The following KCNC1 variants were observed in gnomAD, a reference collection of about 807,000 sequenced individuals.
KCNC1 encodes the protein voltage-gated potassium channel KCNC1.
In KCNC1, 8 loss-of-function variants were observed where a neutral mutation model predicts 43.4. That is an observed-to-expected ratio of 0.18 (90% confidence interval 0.11 to 0.33). The LOEUF is 0.33. Among genes scored for constraint, KCNC1 ranks in the 10% least tolerant of loss-of-function variants. The pLI is 1.00. For missense variants in KCNC1, 420 were observed against 836.0 expected (o/e 0.50, Z 6.14); for synonymous variants, 361 against 360.5 (o/e 1.00, Z -0.01).
chr11:17,740,307 CAAT>C (rs1848823513), intron 1 of KCNC1, among the ~76,000 whole-genome samples: 1 of 152,100 alleles, frequency 6.6e-6, no homozygotes, highest in South Asian at 2.1e-4. Context: ...ACACACAAGA[CAAT>C]GATGATGGTG....
intron 1 of KCNC1, among the ~76,000 whole-genome samples, chr11:17,738,189 C>A (rs2133776160): frequency 6.6e-6 from 1 of 152,274 alleles, no homozygotes; most frequent in African/African-American, 2.4e-5. Context: ...ACCCTATCCT[C>A]CCCTGGGCTG....
chr11:17,781,305 G>A lies in KCNC1; in HGVS notation c.1694-365G>A, dbSNP rs906300097. The A allele has an allele frequency of 2.2e-5, 5 of 226,272 alleles. No individual in the cohort carries two copies. The highest frequency in any genetic ancestry group is 1.1e-4 in the African/African-American group (5 of 43,676). 14.0% of individuals were successfully genotyped at this position (226,272 alleles called of 1,614,324 possible). On this transcript the variant is annotated intron_variant, in intron 3 of 3. Transcript: ENST00000265969. This position sits in a 1 kb window ranked among gnomAD's most constrained non-coding sequence, Gnocchi z 5.1. ...GTCCCACCGAGGCTTAGGTGCCAGA[G>A]TCTTTGGGAGGCGCTAAGGGTGAAG...
rs978042541 is a variant in KCNC1 at position 17,736,728 on chromosome 11, G to A, written c.570+156G>A. ...TGCACGTACCAGGGTAAGAGAGGAA[G>A]GGTGTCCGCCGGGGTTCTGGTTTTC... On this transcript the variant is annotated intron_variant, in intron 1 of 3. Transcript: ENST00000265969. The surrounding 1 kb of genome is among the most constrained non-coding windows in gnomAD (Gnocchi z 9.3). Among the ~76,000 whole-genome samples the A allele has an allele frequency of 7.2e-5, 11 of 152,232 alleles. No individual in the cohort carries two copies. The highest frequency in any genetic ancestry group is 2.4e-4 in the African/African-American group (10 of 41,472).
chr11:17,745,282 T>G (rs954713520), intron 1 of KCNC1, among the ~76,000 whole-genome samples: 1 of 152,004 alleles, frequency 6.6e-6, no homozygotes, highest in African/African-American at 2.4e-5. Context: ...GGGCCTGGGG[T>G]GAGGCCCCAT....
intron 1 of KCNC1, among the ~76,000 whole-genome samples, chr11:17,766,936 A>G (rs933652204): frequency 2.7e-5 from 4 of 146,486 alleles, no homozygotes; most frequent in African/African-American, 1.0e-4. Context: ...CCTGACCAAC[A>G]TGGCGAAACC....
At chr11:17,766,905 A>C (rs1205199843) in intron 1 of KCNC1, among the ~76,000 whole-genome samples, 1 of 149,858 alleles carries the variant, frequency 6.7e-6, no homozygotes, top group Non-Finnish European at 1.5e-5. Context: ...AGATCACCTG[A>C]GGTCAGGAGT....
intron 2 of KCNC1, chr11:17,772,807 C>G: frequency 6.9e-7 from 1 of 1,443,214 alleles, no homozygotes; most frequent in Non-Finnish European, 9.0e-7. Flanking sequence ...CTCACTGGTG[C>G]CCCTGGGTAA....
chr11:17,760,802 T>G (rs1228823833), intron 1 of KCNC1, among the ~76,000 whole-genome samples: 1 of 152,170 alleles, frequency 6.6e-6, no homozygotes, highest in Middle Eastern at 3.2e-3. Flanking sequence ...CAAGATTCTT[T>G]CCCTCTGAAT....
At position 17,781,371 on chromosome 11, in the gene KCNC1, C is replaced by T. The variant is rs966556514; in HGVS notation, c.1694-299C>T. 57 of 363,044 alleles carry T rather than the reference C, an allele frequency of 1.6e-4. 1 individual carries two copies. Among genetic ancestry groups the T allele is most frequent in the Non-Finnish European group, 4.5e-5 (9 of 200,172 alleles). The allele number at this position is 363,044 out of a possible 1,614,324, so 22.5% of individuals were successfully genotyped here. A position where few individuals can be genotyped will look rare whatever the true frequency, so the allele number is the denominator to read the frequency against. On this transcript the variant is annotated intron_variant, in intron 3 of 3. Coordinates refer to ENST00000265969, the MANE Select transcript of KCNC1 (RefSeq NM_001112741.2). This position sits in a 1 kb window ranked among gnomAD's most constrained non-coding sequence, Gnocchi z 5.1. ...CCATTCGGCCCGCGCTCTCATGGAGCCACGACAGCCGCCGAGGACTTGTTT... is the reference window on the plus strand; with the variant it reads ...CCATTCGGCCCGCGCTCTCATGGAGTCACGACAGCCGCCGAGGACTTGTTT...
At chr11:17,778,170 C>T (rs1295613396) in intron 2 of KCNC1, among the ~76,000 whole-genome samples, 5 of 152,296 alleles carry the variant, frequency 3.3e-5, no homozygotes, top group East Asian at 3.9e-4. Flanking sequence ...GGGGCAGGTT[C>T]GGTCCTCAAG....
chr11:17,771,868 C>T lies in KCNC1; in HGVS notation c.774C>T (p.Phe258=), dbSNP rs759363166. ...GCGTCTGTGTGGTCTGGTTCACCTT[C>T]GAGTTCCTCATGCGTGTCATCTTCT... is the stretch of plus-strand genomic sequence containing the variant. ...IEGVCVVWFT[F]EFLMRVIFCP... Residue 258 remains phenylalanine, a synonymous_variant, in exon 2 of 4, where the codon TTC becomes TTT. Coordinates refer to ENST00000265969, the MANE Select transcript of KCNC1 (RefSeq NM_001112741.2). The surrounding 1 kb of genome is among the most constrained non-coding windows in gnomAD (Gnocchi z 4.7). The T allele has an allele frequency of 6.8e-6, 11 of 1,614,184 alleles. No homozygotes were observed. Among genetic ancestry groups the T allele is most frequent in the South Asian group, 2.2e-5 (2 of 91,086 alleles).
intron 1 of KCNC1, among the ~76,000 whole-genome samples, chr11:17,750,422 C>T (rs1392061554): frequency 1.3e-5 from 2 of 152,160 alleles, no homozygotes; most frequent in Non-Finnish European, 2.9e-5. Context: ...AAATACCAGG[C>T]GCTGGCTTCC....
intron 1 of KCNC1, among the ~76,000 whole-genome samples, chr11:17,770,218 C>G (rs966844864): frequency 6.6e-6 from 1 of 152,276 alleles, no homozygotes; most frequent in Non-Finnish European, 1.5e-5. Context: ...AGGGCGCGAC[C>G]TTGGCCCTCC....
chr11:17,752,043 A>G (rs1436561203), intron 1 of KCNC1, among the ~76,000 whole-genome samples: 1 of 152,162 alleles, frequency 6.6e-6, no homozygotes, highest in Non-Finnish European at 1.5e-5. Flanking sequence ...AGGATCGACC[A>G]TCTTCCCACC....
chr11:17,769,353 G>T (rs1849195701), intron 1 of KCNC1, among the ~76,000 whole-genome samples: 1 of 151,872 alleles, frequency 6.6e-6, no homozygotes, highest in Admixed American at 6.6e-5. Context: ...ACAGGAAAGA[G>T]GGAGGGAGAT....
rs143605847 is a variant in KCNC1 at position 17,777,926 on chromosome 11, C to T, written c.1505-1530C>T. 960 of 790,348 alleles carry T rather than the reference C, an allele frequency of 1.2e-3. 4 individuals carry two copies. In the East Asian group the frequency reaches 0.03, roughly 25 times the overall value. The allele number at this position is 790,348 out of a possible 1,614,324, so 49.0% of individuals were successfully genotyped here. A position where few individuals can be genotyped will look rare whatever the true frequency, so the allele number is the denominator to read the frequency against. The stretch of plus-strand genomic sequence containing the variant: ...TGCACGTGGGGAAGGATCACTTCTG[C>T]GTGTAGTTACATGATGTGAACAGGA... On this transcript the variant is annotated intron_variant, in intron 2 of 3. Coordinates refer to ENST00000265969, the MANE Select transcript of KCNC1 (RefSeq NM_001112741.2). This position sits in a 1 kb window ranked among gnomAD's most constrained non-coding sequence, Gnocchi z 4.3.
rs1849260019 is a variant in KCNC1, at chr11:17,774,096, G to T, written c.1504+1498G>T. ...CAAGGCCCATTTCTTTGCCCATGGG[G>T]GTTTCCCGGTCCTTTCACCCTGCCG... On this transcript the variant is annotated intron_variant, in intron 2 of 3. Transcript: ENST00000265969. 4.1e-6 allele frequency: 4 copies of T among 985,564 alleles called. No individual in the cohort carries two copies. In the South Asian group the frequency reaches 1.4e-4, roughly 35 times the overall value. 61.1% of individuals were successfully genotyped at this position (985,564 alleles called of 1,614,324 possible). A position where few individuals can be genotyped will look rare whatever the true frequency, so the allele number is the denominator to read the frequency against.
intron 1 of KCNC1, among the ~76,000 whole-genome samples, chr11:17,747,590 C>A (rs1302968039): frequency 1.3e-5 from 2 of 152,268 alleles, no homozygotes; most frequent in East Asian, 3.9e-4. Context: ...ATGGGCGGTG[C>A]CCACTCTGAA....
At position 17,776,214 on chromosome 11, in the gene KCNC1, A is replaced by G. The variant is rs1013259570; in HGVS notation, c.1505-3242A>G. The G allele has an allele frequency of 1.0e-6, 1 of 985,134 alleles. No individual in the cohort carries two copies. Among genetic ancestry groups the G allele is most frequent in the Non-Finnish European group, 1.2e-6 (1 of 829,880 alleles). 61.0% of individuals were successfully genotyped at this position (985,134 alleles called of 1,614,324 possible). A position where few individuals can be genotyped will look rare whatever the true frequency, so the allele number is the denominator to read the frequency against. The stretch of plus-strand genomic sequence containing the variant: ...CTCTTTCTCTCTCTCTCCACTAATC[A>G]TGTTTCTCTCTCTCTCCTCGTTTTG... On this transcript the variant is annotated intron_variant, in intron 2 of 3. Transcript: ENST00000265969. This position sits in a 1 kb window ranked among gnomAD's most constrained non-coding sequence, Gnocchi z 4.4.
Sources: gnomAD v4.1 joint callset for allele counts (sites outside exome capture counted in the v4.1 genomes callset) on GRCh38, gnomAD v4.1.1 for gene constraint, Gnocchi (gnomAD v3.1) non-coding constraint, MANE v1.5 for transcripts, NCBI Gene and HGNC (gene_info 2026-07-23, HGNC 2026-07-21) for gene names.